The following MYO10 variants were observed in gnomAD, a reference collection of about 807,000 sequenced individuals.
MYO10 encodes the protein myosin X.
MYO10 carries 133 observed loss-of-function variants against 257.3 expected under a neutral mutation model. That is an observed-to-expected ratio of 0.52 (90% CI 0.45 to 0.60). The LOEUF (loss-of-function observed/expected upper bound fraction) is 0.60, where lower values mean the gene tolerates loss of function less well. Ranked by LOEUF, MYO10 falls within the 20% of genes least tolerant of loss-of-function variation. The pLI, the probability that MYO10 is intolerant of heterozygous loss-of-function variation, is 0.00. For synonymous variants in MYO10, 1,104 were observed against 1,028.6 expected (o/e 1.07, Z -1.40); for missense variants, 2,399 against 2,635.7 (o/e 0.91, Z 1.97).
chr5:16,682,098 T>C, intron 30 of MYO10, 85 bp from the exon 31 acceptor site: 2 of 1,490,352 alleles, frequency 1.3e-6, no homozygotes, highest in Non-Finnish European at 1.8e-6. Context: ...CAGTGCCTTC[T>C]TCCTGGCTTC....
chr5:16,804,501 A>G lies in MYO10; in HGVS notation c.280-9668T>C, dbSNP rs564068997. Among the ~76,000 whole-genome samples the G allele has an allele frequency of 3.9e-5, 6 of 152,330 alleles. 1 individual carries two copies. The highest frequency in any genetic ancestry group is 1.4e-4 in the African/African-American group (6 of 41,582). ...TGTGTCCATGCACATGACAAATGGC[A>G]CTTCTGAACCTGCTAAAACAGGGAT... On this transcript the variant is annotated intron_variant, in intron 3 of 40. Coordinates refer to ENST00000513610, the MANE Select transcript of MYO10 (RefSeq NM_012334.3).
At chr5:16,670,399 C>T in intron 39 of MYO10, 127 bp downstream of exon 39, 1 of 748,426 alleles carries the variant, frequency 1.3e-6, no homozygotes, top group South Asian at 2.0e-5. Flanking sequence ...ATTCTGGGGG[C>T]TCGAATAAAA....
At chr5:16,748,133 G>A (rs981368833) in intron 19 of MYO10, among the ~76,000 whole-genome samples, 3 of 152,012 alleles carry the variant, frequency 2.0e-5, no homozygotes, top group East Asian at 1.9e-4. Context: ...GCACTGGTGC[G>A]ATCTCGGCTC....
At chr5:16,728,976 T>C (rs1380274912) in intron 19 of MYO10, among the ~76,000 whole-genome samples, 1 of 152,230 alleles carries the variant, frequency 6.6e-6, no homozygotes, top group African/African-American at 2.4e-5. Flanking sequence ...ACCCTTTTCT[T>C]TTCTTTTAAG....
At chr5:16,709,144 G>A (rs1410835037) in intron 21 of MYO10, among the ~76,000 whole-genome samples, 1 of 152,190 alleles carries the variant, frequency 6.6e-6, no homozygotes, top group Non-Finnish European at 1.5e-5. Context: ...GATGACCTGG[G>A]ACAACAGAGG....
chr5:16,663,339 T>TTTTTG lies in MYO10; in HGVS notation c.*3352_*3353insCAAAA, dbSNP rs1736044940. Reference sequence around the variant, plus strand: ...TTTTACTTCTAGTTGTTTTTTTTTTTTTTTTTTTTTTTTTTTTTTTTTTTT... The same window carrying TTTTTG: ...TTTTACTTCTAGTTGTTTTTTTTTTTTTTTGTTTTTTTTTTTTTTTTTTTTTTTTT... On this transcript the variant is annotated 3_prime_UTR_variant, in exon 41 of 41. Transcript: ENST00000513610. 1 of 39,042 alleles carries TTTTTG rather than the reference T, an allele frequency of 2.6e-5. No individual in the cohort carries two copies. The highest frequency in any genetic ancestry group is 7.0e-5 in the African/African-American group (1 of 14,246). The allele number at this position is 39,042 out of a possible 1,614,324, so 2.4% of individuals were successfully genotyped here.
At chr5:16,672,898 A>G in intron 36 of MYO10, 73 bp from the exon 37 acceptor site, 21 of 1,522,016 alleles carry the variant, frequency 1.4e-5, no homozygotes, top group Non-Finnish European at 1.9e-5. Context: ...ACGTGCCATC[A>G]CCTGATCCCA....
chr5:16,671,964 G>A (rs1474895768), intron 37 of MYO10, among the ~76,000 whole-genome samples: 15 of 152,104 alleles, frequency 9.9e-5, no homozygotes, highest in Admixed American at 7.9e-4. Flanking sequence ...GAATACCTTC[G>A]CGCTACTTCG....
intron 2 of MYO10, among the ~76,000 whole-genome samples, chr5:16,867,756 C>CAG (rs1169715690): frequency 1.3e-4 from 20 of 152,280 alleles, no homozygotes; most frequent in Admixed American, 1.1e-3. Flanking sequence ...ACTCTCTTAG[C>CAG]AGGTGGGAAT....
In MYO10 at chr5:16,666,780, G is replaced by C; in HGVS notation, c.6089C>G (p.Ala2030Gly). The C allele has an allele frequency of 6.2e-7, 1 of 1,603,272 alleles. No homozygotes were observed. The highest frequency in any genetic ancestry group is 8.5e-7 in the Non-Finnish European group (1 of 1,176,454). ...GCTGATGTAGGCTTTCATGAGCTTG[G>C]CCACATCCACCACCTGCCCAGGGGG... is the stretch of plus-strand genomic sequence containing the variant. ...LFETSEVVDV[A>G]KLMKAYISMI... The change falls in exon 41 of 41, where the codon GCC becomes GGC. Residue 2030 changes from alanine to glycine, a missense_variant. Transcript: ENST00000513610.
At chr5:16,713,248 C>T in intron 19 of MYO10, 1 of 910,930 alleles carries the variant, frequency 1.1e-6, no homozygotes, top group East Asian at 1.2e-4. Context: ...TGTACAATTC[C>T]CCAGTCCGAA....
chr5:16,693,009 G>A (rs921716581), intron 27 of MYO10, among the ~76,000 whole-genome samples: 7 of 152,262 alleles, frequency 4.6e-5, no homozygotes, highest in African/African-American at 1.7e-4. Flanking sequence ...CATCATGGCC[G>A]TAATCCCAGC....
chr5:16,818,662 C>G (rs1742714163), intron 2 of MYO10, among the ~76,000 whole-genome samples: 2 of 151,618 alleles, frequency 1.3e-5, no homozygotes, highest in Non-Finnish European at 2.9e-5. Context: ...GGTCTCAAAC[C>G]CCTGGGCTCA....
chr5:16,763,387 G>A (rs1376553226), intron 14 of MYO10, 94 bp downstream of exon 14: 2 of 923,190 alleles, frequency 2.2e-6, no homozygotes, highest in Non-Finnish European at 3.5e-6. Context: ...CATCGTTGAT[G>A]TGCGTGTTCG....
At chr5:16,723,686 G>A (rs568595064) in intron 19 of MYO10, among the ~76,000 whole-genome samples, 11 of 152,298 alleles carry the variant, frequency 7.2e-5, no homozygotes, top group Admixed American at 2.6e-4. Context: ...ATCTTTGTTC[G>A]TAACTGCCAA....
chr5:16,876,820 G>A (rs1337098422), intron 2 of MYO10, among the ~76,000 whole-genome samples: 1 of 152,184 alleles, frequency 6.6e-6, no homozygotes, highest in East Asian at 1.9e-4. Flanking sequence ...CTCCCAAAGT[G>A]CTGGGATTAC....
rs535507274 is a variant in MYO10, at chr5:16,747,317, C to A, written c.1929+7511G>T. ...AAGATGATCAGAAGAGAAAAGCATG[C>A]CAAAAATAAAATAAATCAACTAAAA... On this transcript the variant is annotated intron_variant, in intron 19 of 40. Coordinates refer to ENST00000513610, the MANE Select transcript of MYO10 (RefSeq NM_012334.3). 4.6e-5 allele frequency among the ~76,000 whole-genome samples: 7 copies of A among 152,134 alleles called. No homozygotes were observed. In the East Asian group the frequency reaches 1.2e-3, roughly 25 times the overall value.
At chr5:16,875,963 A>G (rs1157619573) in intron 2 of MYO10, among the ~76,000 whole-genome samples, 1 of 151,986 alleles carries the variant, frequency 6.6e-6, no homozygotes, top group Non-Finnish European at 1.5e-5. Flanking sequence ...AAATACAAAA[A>G]TTAGTTGGGT....
At position 16,670,740 on chromosome 5, in the gene MYO10, C is replaced by T. The variant is rs540289135; in HGVS notation, c.5669G>A (p.Arg1890Lys). The T allele has an allele frequency of 3.7e-6, 6 of 1,614,030 alleles. No homozygotes were observed. Among genetic ancestry groups the T allele is most frequent in the Non-Finnish European group, 5.1e-6 (6 of 1,179,902 alleles). The change falls in exon 39 of 41, where the codon AGG (arginine) becomes AAG (lysine). Residue 1890 changes from arginine (R) to lysine (K), a missense_variant. Physicochemically the swap from Arg to Lys is conservative, Grantham distance 26 (BLOSUM62 2). Around this residue, in one of 3 missense-constraint regions of MYO10, gnomAD observed 1,820 missense variants for 1,939.4 expected, o/e 0.94. Transcript: ENST00000513610. ...RRTSFLEGTL[R>K]RSFRTGSVVR... Reference sequence around the variant, plus strand: ...CACGGATCCTGTCCGGAAGCTCCGCCTCAGGGTCCCCTCTAGGAAGCTCGT... The same window carrying T: ...CACGGATCCTGTCCGGAAGCTCCGCTTCAGGGTCCCCTCTAGGAAGCTCGT...
Sources: allele counts gnomAD v4.1 joint callset (sites outside exome capture counted in the v4.1 genomes callset), GRCh38; gene constraint gnomAD v4.1.1; regional missense constraint gnomAD v4.1.1; transcripts MANE v1.5; gene names NCBI Gene and HGNC (gene_info 2026-07-23, HGNC 2026-07-21).